The following TSPAN7 variants were observed in gnomAD, a reference collection of about 807,000 sequenced individuals.
TSPAN7 encodes the protein tetraspanin-7.
TSPAN7 carries 1 observed loss-of-function variant against 17.6 expected under a neutral mutation model. The observed-to-expected ratio is 0.06, with a 90% CI of 0.02 to 0.27. The LOEUF (loss-of-function observed/expected upper bound fraction) is 0.27. TSPAN7 is among the 10% of genes least tolerant of loss of function. The probability of loss-of-function intolerance (pLI) is 1.00; values close to 1 mark genes in which losing one functional copy is unlikely to be tolerated. For missense variants in TSPAN7, 112 were observed against 201.7 expected (o/e 0.56, Z 2.69); for synonymous variants, 78 against 79.0 (o/e 0.99, Z 0.07).
At chrX:38,577,965 A>G (rs1035711119) in intron 1 of TSPAN7, among the ~76,000 whole-genome samples, 1 of 110,554 alleles carries the variant, frequency 9.0e-6, no homozygotes, top group Non-Finnish European at 1.9e-5. Flanking sequence ...ACTGTAGCCC[A>G]TGCTTTTCCC....
At chrX:38,671,611 A>T (rs1250346710) in intron 3 of TSPAN7, among the ~76,000 whole-genome samples, 161 bp downstream of exon 3, 2 of 111,713 alleles carry the variant, frequency 1.8e-5, no homozygotes, top group African/African-American at 3.3e-5. Context: ...TTTTCATGAA[A>T]TTCTAAATGT....
At chrX:38,650,670 C>A (rs375873746) in intron 1 of TSPAN7, among the ~76,000 whole-genome samples, 3 of 112,392 alleles carry the variant, frequency 2.7e-5, no homozygotes, top group Non-Finnish European at 5.6e-5. Flanking sequence ...TGCTGAGAAG[C>A]CTTAGCTTTC....
At chrX:38,662,913 T>C (rs1387374414) in intron 1 of TSPAN7, among the ~76,000 whole-genome samples, 1 of 110,036 alleles carries the variant, frequency 9.1e-6, no homozygotes, top group Non-Finnish European at 1.9e-5. Flanking sequence ...CTTGACTTGG[T>C]CAAGGTTAGA....
In TSPAN7 at chrX:38,656,159, C is replaced by T. The variant is rs774941944; in HGVS notation, c.82-9962C>T. On this transcript the variant is annotated intron_variant, in intron 1 of 7. Coordinates refer to ENST00000378482, the MANE Select transcript of TSPAN7 (RefSeq NM_004615.4). ...GCATGTTGTCTTGGAAAATCAGGTA[C>T]GAGGTATGGCTGAGGCTTTGGTGGA... 111 of 228,660 alleles carry T rather than the reference C, an allele frequency of 4.9e-4. 2 individuals are homozygous for T. The South Asian group carries it at 5.9e-3, about 12-fold the overall frequency. The allele number at this position is 228,660 out of a possible 1,213,427, so 18.8% of individuals were successfully genotyped here.
chrX:38,664,244 T>A (rs12687897), intron 1 of TSPAN7, among the ~76,000 whole-genome samples: 1 of 111,481 alleles, frequency 9.0e-6, no homozygotes, highest in Non-Finnish European at 1.9e-5. Flanking sequence ...ATGAAAAAAA[T>A]ATATTTTTTT....
At chrX:38,648,714 A>T (rs772876495) in intron 1 of TSPAN7, among the ~76,000 whole-genome samples, 1 of 111,642 alleles carries the variant, frequency 9.0e-6, no homozygotes, top group Non-Finnish European at 1.9e-5. Flanking sequence ...AACCTCCCAA[A>T]GTGCTGGGAT....
chrX:38,653,154 C>T (rs1280215253), intron 1 of TSPAN7, among the ~76,000 whole-genome samples: 1 of 112,115 alleles, frequency 8.9e-6, no homozygotes, highest in Non-Finnish European at 1.9e-5. Context: ...CTCAGGTTTT[C>T]ATCTGCAAAA....
At chrX:38,605,715 A>G (rs1367208550) in intron 1 of TSPAN7, among the ~76,000 whole-genome samples, 1 of 106,548 alleles carries the variant, frequency 9.4e-6, no homozygotes, top group African/African-American at 3.4e-5. Context: ...AAACAGAGAT[A>G]TAGATCAATG....
chrX:38,652,778 G>A (rs747273773), intron 1 of TSPAN7, among the ~76,000 whole-genome samples: 8 of 112,091 alleles, frequency 7.1e-5, no homozygotes, highest in Non-Finnish European at 1.3e-4. Context: ...CCCACTCTGC[G>A]TTTACCCATG....
chrX:38,661,343 C>T (rs2069743705), intron 1 of TSPAN7, among the ~76,000 whole-genome samples: 1 of 112,546 alleles, frequency 8.9e-6, no homozygotes, highest in South Asian at 3.7e-4. Context: ...CACACAGAAG[C>T]CTTTTCAGTT....
intron 1 of TSPAN7, among the ~76,000 whole-genome samples, chrX:38,605,318 A>G (rs1322479505): frequency 2.7e-5 from 3 of 110,394 alleles, no homozygotes; most frequent in African/African-American, 9.9e-5. Flanking sequence ...CAATTGCTTC[A>G]AAGAGAATAA....
chrX:38,610,247 C>T (rs1487440055), intron 1 of TSPAN7, among the ~76,000 whole-genome samples: 2 of 111,553 alleles, frequency 1.8e-5, no homozygotes, highest in Non-Finnish European at 3.8e-5. Flanking sequence ...GAAACTGAGG[C>T]ACAGAGCAGT....
rs768509362 is a variant in TSPAN7, at chrX:38,674,150, G to C, written c.346-71G>C. The C allele has an allele frequency of 4.5e-5, 37 of 830,594 alleles. No homozygotes were observed. The African/African-American group carries it at 6.9e-4, about 16-fold the overall frequency. 68.5% of individuals were successfully genotyped at this position (830,594 alleles called of 1,213,427 possible). A position where few individuals can be genotyped will look rare whatever the true frequency, so the allele number is the denominator to read the frequency against. On this transcript the variant is annotated intron_variant, in intron 3 of 7. Transcript: ENST00000378482. ...TTTCAGAAGAGGCTATGTTAGGGTAGAATTTGGTAAGAATTGGAGTCAGTT... is the reference window on the plus strand; with the variant it reads ...TTTCAGAAGAGGCTATGTTAGGGTACAATTTGGTAAGAATTGGAGTCAGTT...
intron 5 of TSPAN7, among the ~76,000 whole-genome samples, chrX:38,677,709 T>C (rs1373160802): frequency 8.9e-6 from 1 of 112,561 alleles, no homozygotes; most frequent in Non-Finnish European, 1.9e-5. Context: ...AAAAAGTGAA[T>C]GAAAACTAAA....
At chrX:38,648,732 G>A (rs62587381) in intron 1 of TSPAN7, among the ~76,000 whole-genome samples, 3,860 of 111,115 alleles carry the variant, frequency 0.035, 61 homozygotes, top group Middle Eastern at 0.065. Flanking sequence ...GATTACAGGC[G>A]GGAGTCACCA....
chrX:38,608,354 G>T (rs2069397734), intron 1 of TSPAN7: 1 of 110,441 alleles, frequency 9.1e-6, no homozygotes, highest in African/African-American at 3.3e-5. Flanking sequence ...CAAAGTTAGG[G>T]TCTTGAGAAC....
chrX:38,666,017 C>A, intron 1 of TSPAN7, 104 bp from the exon 2 acceptor site: 2 of 740,232 alleles, frequency 2.7e-6, no homozygotes, highest in Non-Finnish European at 2.1e-6. Flanking sequence ...CAGCAAGTAC[C>A]GTCTTATTCA....
At chrX:38,678,671 T>C (rs1240317486) in intron 5 of TSPAN7, among the ~76,000 whole-genome samples, 1 of 112,182 alleles carries the variant, frequency 8.9e-6, no homozygotes, top group Non-Finnish European at 1.9e-5. Context: ...ATGGAAAACA[T>C]TTATTTTGAC....
At chrX:38,562,499 GC>G (rs1290974445) in intron 1 of TSPAN7, among the ~76,000 whole-genome samples, 1 of 106,911 alleles carries the variant, frequency 9.4e-6, no homozygotes, top group Non-Finnish European at 1.9e-5. Flanking sequence ...CTCAGCCAGG[GC>G]CGCGGGGGGC....
Sources: gnomAD v4.1 joint callset for allele counts (sites outside exome capture counted in the v4.1 genomes callset) on GRCh38, gnomAD v4.1.1 for gene constraint, MANE v1.5 for transcripts, NCBI Gene and HGNC (gene_info 2026-07-23, HGNC 2026-07-21) for gene names.